The following ZFHX3 variants were observed in gnomAD, a reference collection of about 807,000 sequenced individuals.
ZFHX3 encodes zinc finger homeobox protein 3.
Under a neutral mutation model 279.1 loss-of-function variants are expected in ZFHX3, and 42 were observed. That is an observed-to-expected ratio of 0.15 (90% CI 0.12 to 0.19). The LOEUF is 0.19. ZFHX3 is among the 10% of genes least tolerant of loss of function. ZFHX3 has a pLI of 1.00. For missense variants in ZFHX3, 4,981 were observed against 4,754.0 expected, an observed-to-expected ratio of 1.05 and a Z score of -1.40; for synonymous variants, 2,293 against 1,957.8, an observed-to-expected ratio of 1.17 and a Z score of -4.52.
intron 1 of ZFHX3, among the ~76,000 whole-genome samples, chr16:73,701,149 G>A (rs2053242325): frequency 1.3e-5 from 2 of 152,074 alleles, no homozygotes; most frequent in East Asian, 3.9e-4. Context: ...AAATACCAGA[G>A]GTCCACCTTC....
At chr16:73,015,849 T>C (rs1964083657) in intron 1 of ZFHX3, 2 of 152,230 alleles carry the variant, frequency 1.3e-5, no homozygotes, top group African/African-American at 4.8e-5. Flanking sequence ...GCCAACCACA[T>C]CAGAAGCTGG....
intron 2 of ZFHX3, among the ~76,000 whole-genome samples, chr16:73,527,079 C>T (rs2019708638): frequency 6.6e-6 from 1 of 152,100 alleles, no homozygotes; most frequent in African/African-American, 2.4e-5. Context: ...ACACATTCAC[C>T]ATTTTGATCA....
chr16:73,148,554 G>GTTTT (rs1212494483), intron 5 of ZFHX3, among the ~76,000 whole-genome samples: 3 of 76,702 alleles, frequency 3.9e-5, no homozygotes, highest in African/African-American at 8.9e-5. Context: ...CAAATGCTGG[G>GTTTT]CTTTTTTTTT....
At chr16:73,636,615 C>T (rs2052529420) in intron 2 of ZFHX3, among the ~76,000 whole-genome samples, 1 of 151,886 alleles carries the variant, frequency 6.6e-6, no homozygotes, top group African/African-American at 2.4e-5. Context: ...TATATATTAG[C>T]AATAACCAGT....
chr16:73,266,443 T>G (rs1005609380), intron 4 of ZFHX3, among the ~76,000 whole-genome samples: 1 of 152,190 alleles, frequency 6.6e-6, no homozygotes, highest in Admixed American at 6.5e-5. Flanking sequence ...AAGAACTAAA[T>G]GAAGAGCTAG....
chr16:73,041,350 G>T (rs1387851899), intron 1 of ZFHX3, among the ~76,000 whole-genome samples: 1 of 145,498 alleles, frequency 6.9e-6, no homozygotes, highest in East Asian at 2.0e-4. Context: ...TATACCTCTG[G>T]ATTTCCTATC....
Position 72,787,171 on chromosome 16 carries a change from C to G in ZFHX3, c.11105G>C (p.Arg3702Thr). 1.9e-6 allele frequency: 3 copies of G among 1,553,034 alleles called. No individual in the cohort carries two copies. Among genetic ancestry groups the G allele is most frequent in the South Asian group, 2.4e-5 (2 of 82,350 alleles). The change falls in exon 10 of 10, where the codon AGA becomes ACA. Residue 3702 changes from arginine to threonine, a missense_variant. Arg to Thr is a moderately conservative substitution (Grantham distance 71). Around this residue, in one of 7 missense-constraint regions of ZFHX3, gnomAD observed 1,034 missense variants for 786.0 expected, o/e 1.32. Coordinates refer to ENST00000268489, the MANE Select transcript of ZFHX3 (RefSeq NM_006885.4). ...ATTGTTCATCTTCAAAGCTTACAATCTGAAGGTGTCCGTTCCTACACTGGT... is the reference window on the plus strand; with the variant it reads ...ATTGTTCATCTTCAAAGCTTACAATGTGAAGGTGTCCGTTCCTACACTGGT... Reference protein sequence around the residue: ...GLTSVGTDTFRL With the variant: ...GLTSVGTDTFTL
chr16:73,294,255 T>A (rs1244692141), intron 4 of ZFHX3: 2 of 152,168 alleles, frequency 1.3e-5, no homozygotes. Flanking sequence ...AAGGTGGGTG[T>A]CATCGGTTTC....
At position 73,872,581 on chromosome 16, in the gene ZFHX3, C is replaced by A. The variant is rs537179514; in HGVS notation, c.-1608+19070G>T. Among the ~76,000 whole-genome samples, 10 of 151,520 alleles carry A rather than the reference C, an allele frequency of 6.6e-5. No individual in the cohort carries two copies. In the East Asian group the frequency reaches 2.0e-3, roughly 30 times the overall value. On this transcript the variant is annotated intron_variant, in intron 1 of 17. Coordinates refer to the ZFHX3 transcript ENST00000641206. ...GAAACAAAGCTCATTTTCCTTGGCTCTGCATGCCCTCTGAATAGTACATGA... is the reference window on the plus strand; with the variant it reads ...GAAACAAAGCTCATTTTCCTTGGCTATGCATGCCCTCTGAATAGTACATGA...
chr16:73,758,853 T>C (rs972416499), intron 1 of ZFHX3, among the ~76,000 whole-genome samples: 4 of 152,246 alleles, frequency 2.6e-5, no homozygotes, highest in African/African-American at 9.6e-5. Flanking sequence ...CATATCTATT[T>C]TGTATATCAT....
chr16:73,806,443 G>A lies in ZFHX3; in HGVS notation c.-1608+85208C>T, dbSNP rs138374732. 2.2e-4 allele frequency among the ~76,000 whole-genome samples: 33 copies of A among 152,314 alleles called. No individual in the cohort carries two copies. The East Asian group carries it at 4.4e-3, about 21-fold the overall frequency. On this transcript the variant is annotated intron_variant, in intron 1 of 17. Coordinates refer to the ZFHX3 transcript ENST00000641206. ...GAGATGTGCAAGGCTCTGAGGTCAC[G>A]GCTTTAGCTCCGCTGAATACAGTGT...
chr16:72,843,316 C>T (rs1414028517), intron 4 of ZFHX3, among the ~76,000 whole-genome samples: 1 of 152,012 alleles, frequency 6.6e-6, no homozygotes, highest in Non-Finnish European at 1.5e-5. Context: ...CGAGACCATC[C>T]TGGCTAACAC....
At chr16:73,660,926 C>T (rs1169170902) in intron 2 of ZFHX3, among the ~76,000 whole-genome samples, 1 of 151,886 alleles carries the variant, frequency 6.6e-6, no homozygotes, top group Non-Finnish European at 1.5e-5. Context: ...ATCTGTTCTA[C>T]TAATATGCTG....
At chr16:73,009,435 A>G (rs1469878699) in intron 1 of ZFHX3, among the ~76,000 whole-genome samples, 1 of 152,154 alleles carries the variant, frequency 6.6e-6, no homozygotes, top group Non-Finnish European at 1.5e-5. Flanking sequence ...TCTTGGGAGC[A>G]TTATTAGTGA....
At chr16:73,702,170 C>T (rs1330720691) in intron 1 of ZFHX3, among the ~76,000 whole-genome samples, 1 of 152,010 alleles carries the variant, frequency 6.6e-6, no homozygotes, top group Non-Finnish European at 1.5e-5. Flanking sequence ...CACCCCCCAC[C>T]CTCCCCGTTC....
At chr16:73,317,361 C>T (rs1236099578) in intron 4 of ZFHX3, among the ~76,000 whole-genome samples, 5 of 152,118 alleles carry the variant, frequency 3.3e-5, no homozygotes, top group East Asian at 1.9e-4. Flanking sequence ...CTTGCACCTG[C>T]TAATGTTACC....
At chr16:73,697,834 C>G (rs1371485489) in intron 1 of ZFHX3, among the ~76,000 whole-genome samples, 2 of 151,996 alleles carry the variant, frequency 1.3e-5, no homozygotes, top group African/African-American at 2.4e-5. Flanking sequence ...TATGCATGGG[C>G]TGGAAAACGT....
intron 1 of ZFHX3, among the ~76,000 whole-genome samples, chr16:73,718,937 C>G (rs570082178): frequency 1.4e-4 from 22 of 152,228 alleles, no homozygotes; most frequent in African/African-American, 5.3e-4. Context: ...AAAACAAAAA[C>G]CAGCCCTCCT....
At chr16:72,934,981 G>C (rs998809262) in intron 3 of ZFHX3, among the ~76,000 whole-genome samples, 26 of 152,176 alleles carry the variant, frequency 1.7e-4, no homozygotes, top group African/African-American at 6.0e-4. Flanking sequence ...AAACAGAATT[G>C]AATGTAATAG....
Sources: gnomAD v4.1 joint callset for allele counts (sites outside exome capture counted in the v4.1 genomes callset) on GRCh38, gnomAD v4.1.1 for gene constraint, gnomAD v4.1.1 regional missense constraint, MANE v1.5 for transcripts, NCBI Gene and HGNC (gene_info 2026-07-23, HGNC 2026-07-21) for gene names.